Variants in IL7 observed in about 807,000 individuals in gnomAD.
IL7 encodes the protein interleukin-7.
A neutral mutation model predicts 21.6 loss-of-function variants in IL7; 3 were observed. The observed-to-expected ratio is 0.14, with a 90% confidence interval of 0.06 to 0.36. The LOEUF is 0.36. Among genes scored for constraint, IL7 ranks in the 10% least tolerant of loss-of-function variants. The pLI is 1.00. For missense variants in IL7, 175 were observed against 200.2 expected (o/e 0.87, Z 0.76); for synonymous variants, 62 against 68.1 (o/e 0.91, Z 0.44).
chr8:78,802,024 G>A (rs527921048), intron 1 of IL7, among the ~76,000 whole-genome samples: 10 of 152,282 alleles, frequency 6.6e-5, no homozygotes, highest in East Asian at 1.9e-4. Context: ...TAGGAATAAC[G>A]CAAGGCAAGC....
rs186344375 is a variant in IL7 at position 78,739,900 on chromosome 8, C to A, written c.228+102G>T. The A allele has an allele frequency of 2.0e-5, 20 of 1,024,614 alleles. No individual in the cohort carries two copies. The Admixed American group carries it at 8.0e-4, about 41-fold the overall frequency. 63.5% of individuals were successfully genotyped at this position (1,024,614 alleles called of 1,614,324 possible). On this transcript the variant is annotated intron_variant, in intron 3 of 5. Coordinates refer to ENST00000263851, the MANE Select transcript of IL7 (RefSeq NM_000880.4). ...CAATGGGAATTATGTGATCAGGCTGCAAATATTAATAGTATTCATATAATT... is the reference window on the plus strand; with the variant it reads ...CAATGGGAATTATGTGATCAGGCTGAAAATATTAATAGTATTCATATAATT...
intron 3 of IL7, among the ~76,000 whole-genome samples, chr8:78,707,612 A>G (rs1216112153): frequency 6.6e-6 from 1 of 152,228 alleles, no homozygotes; most frequent in East Asian, 1.9e-4. Context: ...TGCCATGAAG[A>G]ATACATATTT....
At chr8:78,725,489 C>T (rs1811324783) in intron 3 of IL7, among the ~76,000 whole-genome samples, 1 of 151,940 alleles carries the variant, frequency 6.6e-6, no homozygotes, top group Admixed American at 6.6e-5. Context: ...TATGCATTTC[C>T]CAATAGCTTT....
downstream of IL7, among the ~76,000 whole-genome samples, chr8:78,728,038 CAAAT>C (rs1198592756): frequency 6.6e-6 from 1 of 151,840 alleles, no homozygotes; most frequent in Admixed American, 6.6e-5. Flanking sequence ...CATACAAACC[CAAAT>C]AAATAGTCAT....
chr8:78,757,861 G>A (rs997475616), intron 2 of IL7, among the ~76,000 whole-genome samples: 24 of 152,176 alleles, frequency 1.6e-4, no homozygotes, highest in East Asian at 1.9e-4. Flanking sequence ...GAGGGACCCA[G>A]TAGGAGGTAA....
rs182299170 is a variant in IL7 at position 78,747,246 on chromosome 8, C to T, written c.148-7164G>A. 844 of 337,780 alleles carry T rather than the reference C, an allele frequency of 2.5e-3. 4 individuals carry two copies. The highest frequency in any genetic ancestry group is 3.3e-3 in the Non-Finnish European group (613 of 183,614). The allele number at this position is 337,780 out of a possible 1,614,324, so 20.9% of individuals were successfully genotyped here. A position where few individuals can be genotyped will look rare whatever the true frequency, so the allele number is the denominator to read the frequency against. On this transcript the variant is annotated intron_variant, in intron 2 of 5. Transcript: ENST00000263851. ...TGTTGCCCAGGCTGGAGTGCAGTGG[C>T]ATGGTCTCGGCTCACTGCAACCTCT...
rs141090085 is a variant in IL7, at chr8:78,780,669, A to C, written c.147+17403T>G. Reference sequence around the variant, plus strand: ...CATCCAATTATGTGGTTGATTTTACAGTAAGTGCCATGTGGTGCCAAGAAG... The same window carrying C: ...CATCCAATTATGTGGTTGATTTTACCGTAAGTGCCATGTGGTGCCAAGAAG... On this transcript the variant is annotated intron_variant, in intron 2 of 5. Transcript: ENST00000263851. Among the ~76,000 whole-genome samples the C allele has an allele frequency of 8.9e-3, 1,362 of 152,302 alleles. 15 individuals are homozygous for C. The highest frequency in any genetic ancestry group is 0.031 in the African/African-American group (1,284 of 41,550).
chr8:78,681,915 T>C (rs199814131), intron 4 of IL7, among the ~76,000 whole-genome samples: 10 of 127,884 alleles, frequency 7.8e-5, no homozygotes, highest in African/African-American at 2.5e-4. Context: ...TTTTTTTTTT[T>C]CTTTTTTTTG....
At chr8:78,685,876 A>G (rs1809952146) in intron 4 of IL7, 1 of 152,268 alleles carries the variant, frequency 6.6e-6, no homozygotes, top group Non-Finnish European at 1.5e-5. Flanking sequence ...AAGAAAAGAA[A>G]TGTATCTCTC....
rs114692231 is a variant in IL7, at chr8:78,707,934, T to C, written n.214+13414A>G. Among the ~76,000 whole-genome samples, 998 of 152,164 alleles carry C rather than the reference T, an allele frequency of 6.6e-3. 14 individuals are homozygous for C. The highest frequency in any genetic ancestry group is 0.022 in the African/African-American group (905 of 41,516). On this transcript the variant is annotated intron_variant and non_coding_transcript_variant, in intron 3 of 4. Transcript: ENST00000523959. ...GTAAGCTCCATGATGGCAAAGACTA[T>C]GTCTGCCTTGCTTCCATTTGTAACT...
At chr8:78,697,873 T>A (rs1194186983) in intron 3 of IL7, among the ~76,000 whole-genome samples, 1 of 152,002 alleles carries the variant, frequency 6.6e-6, no homozygotes, top group Non-Finnish European at 1.5e-5. Context: ...AGAGATGGGG[T>A]TTCACCAAGT....
intron 4 of IL7, among the ~76,000 whole-genome samples, chr8:78,681,118 A>G (rs527840465): frequency 1.6e-4 from 24 of 151,928 alleles, no homozygotes; most frequent in African/African-American, 5.6e-4. Context: ...TGAGGGAAGC[A>G]GGGTGTAATT....
At chr8:78,676,892 A>T (rs1809599824) in intron 4 of IL7, among the ~76,000 whole-genome samples, 1 of 151,956 alleles carries the variant, frequency 6.6e-6, no homozygotes, top group African/African-American at 2.4e-5. Context: ...CTGAAACTTG[A>T]ATTATGTTGG....
chr8:78,750,165 A>C (rs891561825), intron 2 of IL7, among the ~76,000 whole-genome samples: 20 of 152,132 alleles, frequency 1.3e-4, no homozygotes, highest in African/African-American at 4.3e-4. Context: ...TGGGGAAAAA[A>C]ATACCCAGCT....
intron 1 of IL7, among the ~76,000 whole-genome samples, chr8:78,802,715 G>A (rs111404138): frequency 1.3e-5 from 2 of 152,256 alleles, no homozygotes; most frequent in African/African-American, 4.8e-5. Flanking sequence ...TTACAGGCTT[G>A]AGCCACCATG....
chr8:78,789,465 T>G (rs1293391411), intron 2 of IL7, among the ~76,000 whole-genome samples: 1 of 152,200 alleles, frequency 6.6e-6, no homozygotes, highest in Admixed American at 6.5e-5. Flanking sequence ...TGGCTAGAAT[T>G]TGATCCTTCT....
chr8:78,742,135 A>G (rs1811805414), intron 2 of IL7, among the ~76,000 whole-genome samples: 1 of 150,276 alleles, frequency 6.7e-6, no homozygotes, highest in African/African-American at 2.5e-5. Flanking sequence ...AACATGGTGA[A>G]ACCCCATCTC....
intron 1 of IL7, among the ~76,000 whole-genome samples, chr8:78,804,079 G>T (rs1236637626): frequency 6.6e-6 from 1 of 151,878 alleles, no homozygotes; most frequent in African/African-American, 2.4e-5. Flanking sequence ...TTTAATTCCA[G>T]TAAGTTTTTT....
intron 2 of IL7, chr8:78,747,188 CTTT>C (rs1191243585): frequency 0.019 from 4,869 of 250,498 alleles, no homozygotes; most frequent in South Asian, 0.031. Context: ...TACTTCATTG[CTTT>C]TTTTTTTTTT....
Sources: allele counts gnomAD v4.1 joint callset (sites outside exome capture counted in the v4.1 genomes callset), GRCh38; gene constraint gnomAD v4.1.1; transcripts MANE v1.5; gene names NCBI Gene and HGNC (gene_info 2026-07-23, HGNC 2026-07-21).